Variants in ATP8B1 observed in about 807,000 individuals in gnomAD.
ATP8B1 encodes phospholipid-transporting ATPase IC.
ATP8B1 carries 80 observed loss-of-function variants against 149.9 expected under a neutral mutation model. The observed-to-expected ratio is 0.53, with a 90% CI of 0.45 to 0.64. ATP8B1 has a LOEUF of 0.64. ATP8B1 is among the 30% of genes least tolerant of loss of function. The probability of loss-of-function intolerance (pLI) is 0.00; values close to 1 mark genes in which losing one functional copy is unlikely to be tolerated. For synonymous variants in ATP8B1, 536 were observed against 562.8 expected (o/e 0.95, Z 0.67); for missense variants, 1,247 against 1,552.6 (o/e 0.80, Z 3.31).
rs1911101091 is a variant in ATP8B1, at chr18:57,669,504, A to T, written c.1933-22T>A. ...AGATCTGTTTTATTTAAAAAAATAA[A>T]TCCACCAATGCAAAGAATAGTTAAT... is the stretch of plus-strand genomic sequence containing the variant. On this transcript the variant is annotated intron_variant, in intron 17 of 27. Transcript: ENST00000648908. 3.1e-6 allele frequency: 5 copies of T among 1,599,392 alleles called. No individual in the cohort carries two copies. The East Asian group carries it at 1.1e-4, about 36-fold the overall frequency.
At chr18:57,796,048 A>G (rs1423468619) in intron 1 of ATP8B1, among the ~76,000 whole-genome samples, 1 of 152,094 alleles carries the variant, frequency 6.6e-6, no homozygotes, top group East Asian at 1.9e-4. Context: ...CATGCCTGTA[A>G]TCCCAGCTAC....
chr18:57,650,398 G>T lies in ATP8B1; in HGVS notation c.3500C>A (p.Ser1167Ter). 1 of 1,613,836 alleles carries T rather than the reference G, an allele frequency of 6.2e-7. No individual in the cohort carries two copies. Among genetic ancestry groups the T allele is most frequent in the African/African-American group, 1.3e-5 (1 of 75,046 alleles). ...ACTTTCTGATGGCCAGATGGTCATT[G>T]ACAGGAATCGAATGGCAACGACGGG... ...LLPVVAIRFL[S>*]MTIWPSESDK... Residue 1167 changes from serine (S) to a stop codon, truncating the protein, a stop_gained, in exon 27 of 28, where the codon TCA (serine) becomes TAA (stop). Transcript: ENST00000648908. LOFTEE classifies it high-confidence loss of function.
chr18:57,710,291 G>T (rs574312199), intron 2 of ATP8B1, among the ~76,000 whole-genome samples: 25 of 152,316 alleles, frequency 1.6e-4, no homozygotes, highest in South Asian at 6.2e-4. Flanking sequence ...GTACAGAGAT[G>T]ATTTTAACAG....
chr18:57,802,106 C>T lies in ATP8B1; in HGVS notation c.-26+892G>A, dbSNP rs1257856563. 2 of 151,982 alleles carry T rather than the reference C, an allele frequency of 1.3e-5. No individual in the cohort carries two copies. Among genetic ancestry groups the T allele is most frequent in the African/African-American group, 4.8e-5 (2 of 41,410 alleles). The allele number at this position is 151,982 out of a possible 1,614,324, so 9.4% of individuals were successfully genotyped here. A position where few individuals can be genotyped will look rare whatever the true frequency, so the allele number is the denominator to read the frequency against. On this transcript the variant is annotated intron_variant, in intron 1 of 27. Coordinates refer to ENST00000648908, the MANE Select transcript of ATP8B1 (RefSeq NM_001374385.1). This position sits in a 1 kb window ranked among gnomAD's most constrained non-coding sequence, Gnocchi z 4.9. ...CCCGGCAGGGACCACAGGCACACGCCTCCGTCGGAAAAGTTGGGCAGACAC... is the reference window on the plus strand; with the variant it reads ...CCCGGCAGGGACCACAGGCACACGCTTCCGTCGGAAAAGTTGGGCAGACAC...
intron 2 of ATP8B1, among the ~76,000 whole-genome samples, chr18:57,725,239 C>G (rs2079695374): frequency 1.3e-5 from 1 of 75,676 alleles, no homozygotes. Flanking sequence ...TACCCTAAAA[C>G]TTAAAGTATA....
rs1398075819 is a variant in ATP8B1, at chr18:57,695,278, G to T, written c.833C>A (p.Thr278Lys). Residue 278 changes from threonine (T) to lysine (K), a missense_variant, in exon 10 of 28, where the codon ACA becomes AAA. Coordinates refer to ENST00000648908, the MANE Select transcript of ATP8B1 (RefSeq NM_001374385.1). ...PNNRLDKFTG[T>K]LFWRNTSFPL... ...AAAACTTGTGTTTCTCCAAAATAGT[G>T]TTCCTGTAAACTTATCTAGTCTGTT... The T allele has an allele frequency of 1.2e-6, 2 of 1,612,574 alleles. No individual in the cohort carries two copies. Among genetic ancestry groups the T allele is most frequent in the African/African-American group, 1.3e-5 (1 of 74,998 alleles).
intron 1 of ATP8B1, among the ~76,000 whole-genome samples, chr18:57,756,293 G>A (rs552352108): frequency 0.54 from 45,008 of 83,518 alleles, 12,731 homozygotes; most frequent in African/African-American, 0.69. Context: ...ATATATGTGT[G>A]TGTGTATGTA....
chr18:57,763,877 G>A (rs1451653249), intron 1 of ATP8B1, among the ~76,000 whole-genome samples: 1 of 152,144 alleles, frequency 6.6e-6, no homozygotes, highest in Non-Finnish European at 1.5e-5. Context: ...TCTCCAGGTA[G>A]GTAGTTCCTG....
chr18:57,734,202 T>C (rs1448873231), intron 1 of ATP8B1: 1 of 152,192 alleles, frequency 6.6e-6, no homozygotes, highest in Non-Finnish European at 1.5e-5. Context: ...ATTATTATTA[T>C]CTTTTGAGAC....
intron 1 of ATP8B1, among the ~76,000 whole-genome samples, chr18:57,798,207 A>G (rs1022647783): frequency 6.6e-6 from 1 of 152,236 alleles, no homozygotes; most frequent in Non-Finnish European, 1.5e-5. Flanking sequence ...TGAGCCTTTC[A>G]AGAAGCCACA....
chr18:57,709,253 T>C (rs1050143843), intron 2 of ATP8B1, among the ~76,000 whole-genome samples: 2 of 152,198 alleles, frequency 1.3e-5, no homozygotes, highest in African/African-American at 4.8e-5. Context: ...AAAACAGAGC[T>C]CCATGGACAG....
At chr18:57,783,328 T>C (rs1464064437) in intron 1 of ATP8B1, among the ~76,000 whole-genome samples, 1 of 152,248 alleles carries the variant, frequency 6.6e-6, no homozygotes, top group East Asian at 1.9e-4. Flanking sequence ...ACAAAAGTTC[T>C]AACATGCTTA....
At chr18:57,730,067 G>A (rs574817559) in intron 2 of ATP8B1, among the ~76,000 whole-genome samples, 4 of 152,048 alleles carry the variant, frequency 2.6e-5, no homozygotes, top group South Asian at 2.1e-4. Flanking sequence ...GGGCTCGCGG[G>A]GTGCATGCAC....
At chr18:57,653,374 T>G (rs1395246830) in intron 24 of ATP8B1, among the ~76,000 whole-genome samples, 1 of 147,084 alleles carries the variant, frequency 6.8e-6, no homozygotes, top group Non-Finnish European at 1.5e-5. Context: ...AGCTTCAACC[T>G]TCCAGGCTCA....
At chr18:57,777,872 G>A (rs1188507732) in intron 1 of ATP8B1, among the ~76,000 whole-genome samples, 1 of 152,168 alleles carries the variant, frequency 6.6e-6, no homozygotes, top group Non-Finnish European at 1.5e-5. Context: ...ATCTGGCCAA[G>A]GCTGACACTT....
intron 11 of ATP8B1, among the ~76,000 whole-genome samples, chr18:57,693,095 T>C (rs886583488): frequency 6.6e-6 from 1 of 152,218 alleles, no homozygotes; most frequent in African/African-American, 2.4e-5. Flanking sequence ...AAAGTTCAAA[T>C]ACAATTTTCA....
At chr18:57,724,545 T>C (rs1173408851) in intron 2 of ATP8B1, among the ~76,000 whole-genome samples, 7 of 151,968 alleles carry the variant, frequency 4.6e-5, no homozygotes, top group Admixed American at 1.3e-4. Flanking sequence ...TCAAAACCAC[T>C]GTGAGATACC....
At chr18:57,761,491 CCA>C (rs2080158092) in intron 1 of ATP8B1, among the ~76,000 whole-genome samples, 1 of 152,094 alleles carries the variant, frequency 6.6e-6, no homozygotes, top group Non-Finnish European at 1.5e-5. Flanking sequence ...CATCAGAATC[CCA>C]CAGTGTGCTT....
intron 2 of ATP8B1, among the ~76,000 whole-genome samples, chr18:57,731,018 G>C (rs555476638): frequency 7.2e-5 from 11 of 152,058 alleles, no homozygotes; most frequent in Non-Finnish European, 1.6e-4. Flanking sequence ...CACTGGCTAC[G>C]CATCGTAGCT....
Sources: allele counts gnomAD v4.1 joint callset (sites outside exome capture counted in the v4.1 genomes callset), GRCh38; gene constraint gnomAD v4.1.1; non-coding constraint Gnocchi (gnomAD v3.1); transcripts MANE v1.5; gene names NCBI Gene and HGNC (gene_info 2026-07-23, HGNC 2026-07-21).